Variants in NMNAT3 observed in about 807,000 individuals in gnomAD.
NMNAT3 encodes the protein nicotinamide/nicotinic acid mononucleotide adenylyltransferase 3.
In NMNAT3, 21 loss-of-function variants were observed where a neutral mutation model predicts 24.8. The ratio of observed to expected loss-of-function variants is 0.85; its 90% confidence interval spans 0.60 to 1.22. The LOEUF (loss-of-function observed/expected upper bound fraction) is 1.22. NMNAT3 is among the 50% of genes most tolerant of loss of function. The pLI is 0.00. For missense variants in NMNAT3, 387 were observed against 436.6 expected (o/e 0.89, Z 1.01); for synonymous variants, 136 against 155.2 (o/e 0.88, Z 0.92).
chr3:139,615,198 A>G (rs1217770354), intron 3 of NMNAT3, among the ~76,000 whole-genome samples: 1 of 152,132 alleles, frequency 6.6e-6, no homozygotes, highest in Non-Finnish European at 1.5e-5. Context: ...ACTTTTTGGT[A>G]CCACAAAATG....
intron 1 of NMNAT3, among the ~76,000 whole-genome samples, chr3:139,659,045 G>A (rs149723252): frequency 2.0e-5 from 3 of 152,166 alleles, no homozygotes; most frequent in Admixed American, 6.5e-5. Context: ...TTCTGTGTCC[G>A]TTTTACTCAG....
Position 139,577,381 on chromosome 3 carries a change from G to C in NMNAT3, c.575+1491C>G, listed in dbSNP as rs142211816. Among the ~76,000 whole-genome samples, 15 of 152,282 alleles carry C rather than the reference G, an allele frequency of 9.9e-5. No individual in the cohort carries two copies. In the East Asian group the frequency reaches 2.5e-3, roughly 25 times the overall value. On this transcript the variant is annotated intron_variant, in intron 5 of 6. Coordinates refer to ENST00000643695, the MANE Select transcript of NMNAT3 (RefSeq NM_001320510.2). The stretch of plus-strand genomic sequence containing the variant: ...CTCATTTAATTCACACGGAATCCTA[G>C]TGAAGTGGGTGATGTCATTTCCATT...
intron 2 of NMNAT3, chr3:139,634,228 C>T (rs969782437): frequency 1.3e-5 from 2 of 152,242 alleles, no homozygotes; most frequent in East Asian, 1.9e-4. Flanking sequence ...TGCAAATGCT[C>T]ATCGCTTGGG....
chr3:139,622,112 C>A (rs776277774), intron 3 of NMNAT3, among the ~76,000 whole-genome samples: 1 of 152,206 alleles, frequency 6.6e-6, no homozygotes, highest in South Asian at 2.1e-4. Context: ...AGTGGGATTG[C>A]TGAATCAAAT....
intron 1 of NMNAT3, among the ~76,000 whole-genome samples, chr3:139,648,983 C>T (rs563601570): frequency 6.6e-6 from 1 of 152,282 alleles, no homozygotes; most frequent in African/African-American, 2.4e-5. Context: ...GATGGGTACA[C>T]ATCAAATAAG....
At chr3:139,599,317 G>A (rs974960112) in intron 3 of NMNAT3, 3 of 702,446 alleles carry the variant, frequency 4.3e-6, no homozygotes, top group South Asian at 1.5e-5. Flanking sequence ...CTTCAGTTCT[G>A]GGGCTTTTGC....
At chr3:139,618,774 G>T (rs543549974) in intron 3 of NMNAT3, among the ~76,000 whole-genome samples, 5 of 152,342 alleles carry the variant, frequency 3.3e-5, no homozygotes, top group African/African-American at 2.4e-5. Context: ...GAAAGAAGAT[G>T]GTTCGGGTTA....
intron 3 of NMNAT3, among the ~76,000 whole-genome samples, chr3:139,591,716 C>G (rs2054192162): frequency 1.3e-5 from 2 of 152,362 alleles, no homozygotes; most frequent in African/African-American, 4.8e-5. Context: ...CAGACTGACA[C>G]CTCACAAGGC....
rs1268954669 is a variant in NMNAT3, at chr3:139,561,217, C to T, written c.834G>A (p.Met278Ile). ...TGGCCAGGTGAATGTTGTGCTGGTG[C>T]ATCCGTAGGATGGGAGATTCTGCGA... The change falls in exon 7 of 7, where the codon ATG becomes ATA. Residue 278 changes from methionine (M) to isoleucine (I), a missense_variant. Transcript: ENST00000643695. The T allele has an allele frequency of 1.2e-6, 2 of 1,614,196 alleles. No homozygotes were observed. Among genetic ancestry groups the T allele is most frequent in the Non-Finnish European group, 1.7e-6 (2 of 1,180,034 alleles).
At chr3:139,567,767 A>G (rs924707997) in intron 6 of NMNAT3, 76 of 152,286 alleles carry the variant, frequency 5.0e-4, no homozygotes, top group African/African-American at 1.7e-3. Context: ...GGATTTTTGC[A>G]TCGATGTTCA....
At chr3:139,602,429 G>A (rs1248763637) in intron 3 of NMNAT3, among the ~76,000 whole-genome samples, 1 of 152,198 alleles carries the variant, frequency 6.6e-6, no homozygotes, top group Non-Finnish European at 1.5e-5. Flanking sequence ...TTGACATTGG[G>A]TAGAATGAAC....
chr3:139,630,464 A>C (rs895845677), intron 2 of NMNAT3, among the ~76,000 whole-genome samples: 4 of 152,308 alleles, frequency 2.6e-5, no homozygotes, highest in South Asian at 2.1e-4. Context: ...ACTTACCTTT[A>C]ATAAACCACA....
At chr3:139,584,602 TC>T in intron 3 of NMNAT3, among the ~76,000 whole-genome samples, 1 of 152,364 alleles carries the variant, frequency 6.6e-6, no homozygotes, top group Non-Finnish European at 1.5e-5. Flanking sequence ...GAAGTATTTT[TC>T]TTAATTACCA....
chr3:139,573,237 G>A (rs1308541025), intron 6 of NMNAT3, among the ~76,000 whole-genome samples: 1 of 152,082 alleles, frequency 6.6e-6, no homozygotes, highest in Non-Finnish European at 1.5e-5. Flanking sequence ...GTTTTATAAT[G>A]GCATATTTTA....
intron 3 of NMNAT3, among the ~76,000 whole-genome samples, chr3:139,627,006 C>T (rs774152939): frequency 8.6e-5 from 13 of 151,976 alleles, no homozygotes; most frequent in African/African-American, 2.2e-4. Context: ...TCTTTAGAAA[C>T]AATCATGCAG....
At chr3:139,634,121 A>C (rs2056409576) in intron 2 of NMNAT3, among the ~76,000 whole-genome samples, 1 of 152,218 alleles carries the variant, frequency 6.6e-6, no homozygotes, top group Non-Finnish European at 1.5e-5. Flanking sequence ...GTTCTAACCT[A>C]GTGTGCACCC....
chr3:139,603,355 A>G (rs1400926219), intron 3 of NMNAT3, among the ~76,000 whole-genome samples: 1 of 152,218 alleles, frequency 6.6e-6, no homozygotes, highest in Non-Finnish European at 1.5e-5. Context: ...GGTTACTTTC[A>G]TTTGGATGCT....
intron 6 of NMNAT3, among the ~76,000 whole-genome samples, chr3:139,563,111 T>C (rs1190082323): frequency 6.6e-6 from 1 of 152,246 alleles, no homozygotes; most frequent in Non-Finnish European, 1.5e-5. Context: ...TCAACATTTA[T>C]GAATTGTCTC....
rs1183628481 is a variant in NMNAT3 at position 139,591,582 on chromosome 3, G to T, written c.110-8374C>A. On this transcript the variant is annotated intron_variant, in intron 3 of 6. Coordinates refer to ENST00000643695, the MANE Select transcript of NMNAT3 (RefSeq NM_001320510.2). ...TTAAATGTCCCTGTCTGACAGCTTT[G>T]AAGAGAGCAGTGGTTCTCCCACCAC... is the stretch of plus-strand genomic sequence containing the variant. Among the ~76,000 whole-genome samples the T allele has an allele frequency of 3.9e-5, 6 of 152,220 alleles. No individual in the cohort carries two copies. The East Asian group carries it at 1.2e-3, about 29-fold the overall frequency.
Sources: allele counts gnomAD v4.1 joint callset (sites outside exome capture counted in the v4.1 genomes callset), GRCh38; gene constraint gnomAD v4.1.1; transcripts MANE v1.5; gene names NCBI Gene and HGNC (gene_info 2026-07-23, HGNC 2026-07-21).